SMPD3: variants seen among roughly 807,000 people sequenced by gnomAD.
The protein encoded by SMPD3 is nSMase-2.
Under a neutral mutation model 55.7 loss-of-function variants are expected in SMPD3, and 21 were observed. The ratio of observed to expected loss-of-function variants is 0.38; its 90% CI spans 0.27 to 0.54. SMPD3 has a LOEUF of 0.54. Among genes scored for constraint, SMPD3 ranks in the 20% least tolerant of loss-of-function variants. The probability of loss-of-function intolerance (pLI) is 0.80; values close to 1 mark genes in which losing one functional copy is unlikely to be tolerated. For missense variants in SMPD3, 842 were observed against 899.6 expected (o/e 0.94, Z 0.82); for synonymous variants, 457 against 404.3 (o/e 1.13, Z -1.56).
At chr16:68,365,496 C>G (rs2151975588) in intron 3 of SMPD3, among the ~76,000 whole-genome samples, 1 of 151,058 alleles carries the variant, frequency 6.6e-6, no homozygotes, top group East Asian at 1.9e-4. Context: ...TGGTCACACC[C>G]TGGTGCTTTC....
At chr16:68,385,924 T>TA (rs1262335074) in intron 2 of SMPD3, among the ~76,000 whole-genome samples, 3 of 147,554 alleles carry the variant, frequency 2.0e-5, no homozygotes, top group Non-Finnish European at 3.0e-5. Context: ...GTTTTAACAT[T>TA]AAAAAATGTG....
At position 68,372,035 on chromosome 16, in the gene SMPD3, T is replaced by G. The variant is rs2089685190; in HGVS notation, c.147A>C (p.Ala49=). ...GCAGCTGCAGGCAGCACGGGTCGTCTGCCCGCTGGCGCTTCTCGTAGGTGG... is the reference window on the plus strand; with the variant it reads ...GCAGCTGCAGGCAGCACGGGTCGTCGGCCCGCTGGCGCTTCTCGTAGGTGG... The part of the protein sequence containing the change: ...IPTTYEKRQR[A]DDPCCLQLLC... The change falls in exon 3 of 9, where the codon GCA becomes GCC. Residue 49 remains alanine, a synonymous_variant. Coordinates refer to ENST00000219334, the MANE Select transcript of SMPD3 (RefSeq NM_018667.4). 3.1e-6 allele frequency: 5 copies of G among 1,610,278 alleles called. No homozygotes were observed. In the East Asian group the frequency reaches 1.1e-4, roughly 36 times the overall value.
rs1302431000 is a variant in SMPD3, at chr16:68,358,600, AAGTTAAAAAGCAAT to A, written c.*2592_*2605del. 7 of 152,712 alleles carry A rather than the reference AAGTTAAAAAGCAAT, an allele frequency of 4.6e-5. No individual in the cohort carries two copies. Among genetic ancestry groups the A allele is most frequent in the African/African-American group, 9.6e-5 (4 of 41,468 alleles). 9.5% of individuals were successfully genotyped at this position (152,712 alleles called of 1,614,324 possible). On this transcript the variant is annotated 3_prime_UTR_variant, in exon 9 of 9. Transcript: ENST00000219334. The stretch of plus-strand genomic sequence containing the variant: ...TATAACAGTATTTCTAAATCTCAGC[AAGTTAAAAAGCAAT>A]AGTTAAAAAGCATCAAGATTAATAT...
At chr16:68,416,795 G>A (rs2090343275) in intron 1 of SMPD3, among the ~76,000 whole-genome samples, 3 of 152,034 alleles carry the variant, frequency 2.0e-5, no homozygotes, top group African/African-American at 7.2e-5. Context: ...GAGCACAGGT[G>A]TGTCAGAGCA....
chr16:68,402,336 G>T (rs1450117203), intron 1 of SMPD3, among the ~76,000 whole-genome samples: 1 of 152,194 alleles, frequency 6.6e-6, no homozygotes, highest in South Asian at 2.1e-4. Context: ...GGGCCAGGAG[G>T]CAGGGATTGA....
At chr16:68,388,864 C>A (rs1332066514) in intron 1 of SMPD3, among the ~76,000 whole-genome samples, 1 of 152,034 alleles carries the variant, frequency 6.6e-6, no homozygotes, top group East Asian at 1.9e-4. Flanking sequence ...ATATGCTGTC[C>A]CCCTATCCTT....
intron 1 of SMPD3, among the ~76,000 whole-genome samples, chr16:68,437,184 A>G (rs199548317): frequency 6.6e-4 from 101 of 152,358 alleles, no homozygotes; most frequent in Non-Finnish European, 1.0e-3. Context: ...GGTTCAACAC[A>G]GAGTAGGAGC....
At chr16:68,363,670 TG>T in intron 6 of SMPD3, 106 bp downstream of exon 6, 1 of 1,447,124 alleles carries the variant, frequency 6.9e-7, no homozygotes, top group Non-Finnish European at 9.5e-7. Flanking sequence ...GGCAGCTGAA[TG>T]GGGCCCTTCC....
At chr16:68,413,089 C>T (rs2090314254) in intron 1 of SMPD3, among the ~76,000 whole-genome samples, 1 of 152,232 alleles carries the variant, frequency 6.6e-6, no homozygotes, top group Non-Finnish European at 1.5e-5. Flanking sequence ...AGTCCTTGGC[C>T]TGGGGCCTAT....
chr16:68,404,183 ATTT>A lies in SMPD3; in HGVS notation c.-268-17527_-268-17525del, dbSNP rs549273411. Reference sequence around the variant, plus strand: ...CAGTGCACACCACCACGCCCAGCTAATTTTTTTTTTTTTTTTTTGAGATGGAGT... The same window carrying A: ...CAGTGCACACCACCACGCCCAGCTAATTTTTTTTTTTTTTTGAGATGGAGT... On this transcript the variant is annotated intron_variant, in intron 1 of 8. Transcript: ENST00000219334. The surrounding 1 kb of genome is among the most constrained non-coding windows in gnomAD (Gnocchi z 4.0). Among the ~76,000 whole-genome samples the A allele has an allele frequency of 3.0e-5, 4 of 134,972 alleles. No homozygotes were observed. Among genetic ancestry groups the A allele is most frequent in the Non-Finnish European group, 1.6e-5 (1 of 62,158 alleles). 88.5% of individuals were successfully genotyped at this position (134,972 alleles called of 152,430 possible).
intron 1 of SMPD3, among the ~76,000 whole-genome samples, chr16:68,405,226 C>G (rs1436438393): frequency 2.0e-5 from 3 of 152,120 alleles, no homozygotes; most frequent in Admixed American, 6.5e-5. Flanking sequence ...GGTTCCATGA[C>G]TTTGCCAGAT....
chr16:68,383,823 A>G (rs898690295), intron 2 of SMPD3, among the ~76,000 whole-genome samples: 1 of 151,848 alleles, frequency 6.6e-6, no homozygotes, highest in Non-Finnish European at 1.5e-5. Flanking sequence ...CTGTCTCCCA[A>G]ATAGTTCTGG....
intron 1 of SMPD3, among the ~76,000 whole-genome samples, chr16:68,398,177 A>G (rs2090176404): frequency 6.6e-6 from 1 of 152,216 alleles, no homozygotes; most frequent in South Asian, 2.1e-4. Context: ...AAGGGGGTCA[A>G]GGACAGAAGC....
intron 1 of SMPD3, among the ~76,000 whole-genome samples, chr16:68,430,343 C>T (rs1357624650): frequency 6.6e-6 from 1 of 152,218 alleles, no homozygotes; most frequent in Non-Finnish European, 1.5e-5. Flanking sequence ...CCTACCTCCT[C>T]CCCAGTCATG....
intron 1 of SMPD3, among the ~76,000 whole-genome samples, chr16:68,402,899 G>A (rs969382409): frequency 1.3e-5 from 2 of 152,254 alleles, no homozygotes; most frequent in African/African-American, 4.8e-5. Flanking sequence ...GGAAGACGCT[G>A]AGAAGGGCTT....
intron 1 of SMPD3, among the ~76,000 whole-genome samples, chr16:68,398,386 C>G (rs1218234171): frequency 6.6e-6 from 1 of 152,162 alleles, no homozygotes. Flanking sequence ...GATGAGAAAA[C>G]CATGTGTCAG....
intron 1 of SMPD3, among the ~76,000 whole-genome samples, chr16:68,386,956 G>A (rs559584404): frequency 4.6e-5 from 7 of 152,302 alleles, no homozygotes; most frequent in South Asian, 2.1e-4. Flanking sequence ...CCTCCACGTC[G>A]ACACTGGGAC....
intron 1 of SMPD3, among the ~76,000 whole-genome samples, chr16:68,405,453 G>A (rs2090245942): frequency 6.7e-6 from 1 of 150,248 alleles, no homozygotes; most frequent in Admixed American, 6.7e-5. Context: ...GGGAGGCTGA[G>A]GTAGGGGTTG....
chr16:68,417,576 G>A, intron 1 of SMPD3, among the ~76,000 whole-genome samples: 1 of 152,212 alleles, frequency 6.6e-6, no homozygotes, highest in East Asian at 1.9e-4. Context: ...CCTTTGGTCT[G>A]TGTTTGGATT....
Sources: gnomAD v4.1 joint callset for allele counts (sites outside exome capture counted in the v4.1 genomes callset) on GRCh38, gnomAD v4.1.1 for gene constraint, Gnocchi (gnomAD v3.1) non-coding constraint, MANE v1.5 for transcripts, NCBI Gene and HGNC (gene_info 2026-07-23, HGNC 2026-07-21) for gene names.